DMXL2: variants seen among roughly 807,000 people sequenced by gnomAD.
DMXL2 encodes dmX-like protein 2.
DMXL2 carries 103 observed loss-of-function variants against 331.1 expected under a neutral mutation model. The ratio of observed to expected loss-of-function variants is 0.31; its 90% CI spans 0.27 to 0.37. The LOEUF is 0.37. Among genes scored for constraint, DMXL2 ranks in the 10% least tolerant of loss-of-function variants. The pLI is 1.00. For synonymous variants in DMXL2, 1,281 were observed against 1,252.1 expected (o/e 1.02, Z -0.49); for missense variants, 3,171 against 3,642.9 (o/e 0.87, Z 3.33).
intron 1 of DMXL2, among the ~76,000 whole-genome samples, chr15:51,611,269 A>G (rs1392017745): frequency 6.6e-6 from 1 of 152,228 alleles, no homozygotes; most frequent in Non-Finnish European, 1.5e-5. Flanking sequence ...CAGTAATGAC[A>G]AAAGAAGCAA....
intron 14 of DMXL2, among the ~76,000 whole-genome samples, chr15:51,516,439 GCAAA>G (rs1156779224): frequency 2.6e-5 from 4 of 152,132 alleles, no homozygotes; most frequent in African/African-American, 9.7e-5. Context: ...GCCTAACAAG[GCAAA>G]CACTCTGAAA....
intron 1 of DMXL2, among the ~76,000 whole-genome samples, chr15:51,621,716 T>C (rs1430742770): frequency 1.3e-5 from 2 of 151,942 alleles, no homozygotes; most frequent in Non-Finnish European, 2.9e-5. Context: ...ACAAGCACTG[T>C]TGTAAATTTT....
intron 33 of DMXL2, chr15:51,460,049 ATATT>A (rs912241568): frequency 9.1e-5 from 87 of 960,106 alleles, no homozygotes; most frequent in Admixed American, 3.7e-4. Flanking sequence ...ACAAATTAAA[ATATT>A]TATTTCTAAA....
At chr15:51,596,189 T>C (rs1389682489) in intron 1 of DMXL2, among the ~76,000 whole-genome samples, 2 of 151,944 alleles carry the variant, frequency 1.3e-5, no homozygotes, top group East Asian at 3.9e-4. Flanking sequence ...AGGGCTAATA[T>C]CCAGAATCTA....
chr15:51,603,126 A>T (rs1480791818), intron 1 of DMXL2, among the ~76,000 whole-genome samples: 2 of 152,222 alleles, frequency 1.3e-5, no homozygotes, highest in Non-Finnish European at 2.9e-5. Context: ...AGGAAACAAT[A>T]AAAAAGCAGA....
chr15:51,560,613 G>A (rs997063616), intron 6 of DMXL2, among the ~76,000 whole-genome samples: 2 of 147,218 alleles, frequency 1.4e-5, no homozygotes, highest in Admixed American at 6.8e-5. Context: ...ACGCTGCAAT[G>A]AGCCGTGACT....
At chr15:51,556,328 G>A (rs1259958309) in intron 6 of DMXL2, among the ~76,000 whole-genome samples, 1 of 128,292 alleles carries the variant, frequency 7.8e-6, no homozygotes, top group East Asian at 2.3e-4. Context: ...GGGTGACAGA[G>A]CGAGACACTG....
chr15:51,486,484 A>C, intron 22 of DMXL2, 147 bp from the exon 23 acceptor site: 1 of 629,888 alleles, frequency 1.6e-6, no homozygotes, highest in Non-Finnish European at 2.6e-6. Flanking sequence ...GATTGATAGG[A>C]GATTAAAGAA....
Position 51,538,417 on chromosome 15 carries a change from C to T in DMXL2, c.1141G>A (p.Val381Ile), listed in dbSNP as rs1453951016. Reference protein sequence around the residue: ...PNVLVGTAFNVDDGNGGFVVH... With the variant: ...PNVLVGTAFNIDDGNGGFVVH... ...ACAAAGCCCCCATTTCCATCATCAA[C>T]ATTAAATGCAGTGCCAACCAAGACA... is the stretch of plus-strand genomic sequence containing the variant. The change falls in exon 10 of 44, where the codon GTT becomes ATT. Residue 381 changes from valine to isoleucine, a missense_variant. Physicochemically the swap from Val to Ile is conservative, Grantham distance 29. Coordinates refer to ENST00000560891, the MANE Select transcript of DMXL2 (RefSeq NM_001378457.1). 6.2e-7 allele frequency: 1 copy of T among 1,612,204 alleles called. No homozygotes were observed. The highest frequency in any genetic ancestry group is 1.3e-5 in the African/African-American group (1 of 74,866).
At chr15:51,523,250 T>C (rs948501105) in intron 13 of DMXL2, among the ~76,000 whole-genome samples, 12 of 152,178 alleles carry the variant, frequency 7.9e-5, no homozygotes, top group Non-Finnish European at 1.3e-4. Context: ...TGACAGAAAG[T>C]AGTCATGTCA....
chr15:51,611,790 A>G (rs1261147447), intron 1 of DMXL2, among the ~76,000 whole-genome samples: 1 of 152,206 alleles, frequency 6.6e-6, no homozygotes, highest in Non-Finnish European at 1.5e-5. Flanking sequence ...GGATTGTAAA[A>G]TGCACCAATC....
chr15:51,458,892 T>G, intron 34 of DMXL2, 97 bp from the exon 35 acceptor site: 1 of 953,762 alleles, frequency 1.0e-6, no homozygotes, highest in Admixed American at 2.6e-5. Flanking sequence ...AAGAAGAAAA[T>G]GTAGCAGCAG....
At chr15:51,479,466 G>T (rs1048698504) in intron 25 of DMXL2, among the ~76,000 whole-genome samples, 1 of 152,112 alleles carries the variant, frequency 6.6e-6, no homozygotes. Context: ...GTTCGCAGTA[G>T]TAACTGCCAA....
Position 51,505,373 on chromosome 15 carries a change from C to T in DMXL2, c.2764+1761G>A, listed in dbSNP as rs183902120. 3.8e-3 allele frequency among the ~76,000 whole-genome samples: 578 copies of T among 152,330 alleles called. 5 individuals carry two copies. The highest frequency in any genetic ancestry group is 0.013 in the African/African-American group (554 of 41,566). Reference sequence around the variant, plus strand: ...CTAGCCCTGGCTTTAGTGAGACACACGCTTCATAAGCAGTGGGGACAAACA... The same window carrying T: ...CTAGCCCTGGCTTTAGTGAGACACATGCTTCATAAGCAGTGGGGACAAACA... On this transcript the variant is annotated intron_variant, in intron 16 of 43. Coordinates refer to ENST00000560891, the MANE Select transcript of DMXL2 (RefSeq NM_001378457.1).
intron 1 of DMXL2, among the ~76,000 whole-genome samples, chr15:51,613,584 T>G (rs2414114): frequency 0.48 from 72,798 of 151,996 alleles, 17,791 homozygotes; most frequent in Non-Finnish European, 0.52. Context: ...AACTGGAAAC[T>G]TTCAGTTTTA....
In DMXL2 at chr15:51,448,898, T is replaced by C. The variant is rs1187674927; in HGVS notation, c.*86A>G. 3 of 1,320,664 alleles carry C rather than the reference T, an allele frequency of 2.3e-6. No individual in the cohort carries two copies. The highest frequency in any genetic ancestry group is 3.2e-6 in the Non-Finnish European group (3 of 944,466). 81.8% of individuals were successfully genotyped at this position (1,320,664 alleles called of 1,614,324 possible). A position where few individuals can be genotyped will look rare whatever the true frequency, so the allele number is the denominator to read the frequency against. On this transcript the variant is annotated 3_prime_UTR_variant, in exon 44 of 44. Transcript: ENST00000560891. ...CTACACAGAGATTCTCTGTTTTCAA[T>C]ACAACTGCTTAGAAAGCAGAATTGC...
intron 6 of DMXL2, among the ~76,000 whole-genome samples, chr15:51,552,492 GCA>G (rs1483319528): frequency 2.0e-5 from 3 of 152,152 alleles, no homozygotes; most frequent in Non-Finnish European, 4.4e-5. Context: ...TTTAATTTAC[GCA>G]CAGTTAGGCC....
intron 1 of DMXL2, among the ~76,000 whole-genome samples, chr15:51,603,305 C>A (rs777713832): frequency 6.6e-6 from 1 of 152,014 alleles, no homozygotes; most frequent in Admixed American, 6.6e-5. Flanking sequence ...AGTATAATAA[C>A]GAAATGCCAC....
chr15:51,509,155 T>G (rs2140574636), intron 15 of DMXL2, among the ~76,000 whole-genome samples: 1 of 151,844 alleles, frequency 6.6e-6, no homozygotes, highest in Non-Finnish European at 1.5e-5. Flanking sequence ...AAGAAAAAGT[T>G]TAAACAACAT....
Sources: gnomAD v4.1 joint callset for allele counts (sites outside exome capture counted in the v4.1 genomes callset) on GRCh38, gnomAD v4.1.1 for gene constraint, MANE v1.5 for transcripts, NCBI Gene and HGNC (gene_info 2026-07-23, HGNC 2026-07-21) for gene names.